Variants in PROSER3 observed in about 807,000 individuals in gnomAD.
The protein encoded by PROSER3 is proline and serine-rich protein 3.
A neutral mutation model predicts 50.2 loss-of-function variants in PROSER3; 33 were observed. That is an observed-to-expected ratio of 0.66 (90% CI 0.50 to 0.88). The LOEUF is 0.88. Ranked by LOEUF, PROSER3 falls within the 40% of genes least tolerant of loss-of-function variation. PROSER3 has a pLI of 0.00. For synonymous variants in PROSER3, 266 were observed against 259.3 expected (o/e 1.03, Z -0.25); for missense variants, 623 against 612.7 (o/e 1.02, Z -0.18).
chr19:35,765,838 AG>A (rs987195146), intron 7 of PROSER3, among the ~76,000 whole-genome samples: 1 of 152,144 alleles, frequency 6.6e-6, no homozygotes, highest in African/African-American at 2.4e-5. Context: ...CGTTATGCCC[AG>A]CTGGTTGTTG....
chr19:35,767,961 A>T, exon 9 of PROSER3: 2 of 1,609,400 alleles, frequency 1.2e-6, no homozygotes, highest in Non-Finnish European at 1.7e-6. Flanking sequence ...CCAGCCTTCC[A>T]GGTGGGGTCT....
intron 3 of PROSER3, among the ~76,000 whole-genome samples, chr19:35,761,734 C>T (rs1356390659): frequency 6.6e-6 from 1 of 152,044 alleles, no homozygotes; most frequent in Non-Finnish European, 1.5e-5. Context: ...TGGTGGCATG[C>T]ACCTGTGTCC....
intron 3 of PROSER3, among the ~76,000 whole-genome samples, chr19:35,761,048 A>C (rs868349015): frequency 4.6e-5 from 7 of 152,208 alleles, no homozygotes; most frequent in South Asian, 2.1e-4. Context: ...GACACAGGTT[A>C]CTTCTGTCTT....
Position 35,764,840 on chromosome 19 carries a change from C to G in PROSER3, c.544-14C>G, listed in dbSNP as rs200631261. The G allele has an allele frequency of 3.6e-3, 5,764 of 1,610,906 alleles. 13 individuals carry two copies. The highest frequency in any genetic ancestry group is 4.2e-3 in the Non-Finnish European group (4,910 of 1,178,542). The stretch of plus-strand genomic sequence containing the variant: ...TTTGGGTTGGGGCTGGCGTCTGACC[C>G]TGTCACCCTGCAGAACCTCCACACA... On this transcript the variant is annotated splice_polypyrimidine_tract_variant and intron_variant, in intron 5 of 10. Transcript: ENST00000396908.
In PROSER3 at chr19:35,767,708, C is replaced by G; in HGVS notation, c.958-96C>G. ...GGACACGCCTCCTCACTTCGAGGGC[C>G]CCCCTCCACCCAAGGCTGGATCTCC... On this transcript the variant is annotated intron_variant, in intron 8 of 10. Transcript: ENST00000396908. 3.4e-6 allele frequency: 5 copies of G among 1,449,564 alleles called. No individual in the cohort carries two copies. The East Asian group carries it at 7.0e-5, about 20-fold the overall frequency. The allele number at this position is 1,449,564 out of a possible 1,614,324, so 89.8% of individuals were successfully genotyped here.
chr19:35,770,706 C>T (rs1971299717), downstream of PROSER3: 1 of 151,546 alleles, frequency 6.6e-6, no homozygotes, highest in African/African-American at 2.4e-5. Flanking sequence ...GGTGAAATGT[C>T]TCTACTAAAA....
At chr19:35,764,631 G>A (rs1971075171) in intron 5 of PROSER3, among the ~76,000 whole-genome samples, 1 of 151,454 alleles carries the variant, frequency 6.6e-6, no homozygotes, top group Non-Finnish European at 1.5e-5. Flanking sequence ...ACTCCAGCCT[G>A]GGCAACAAGT....
exon 11 of PROSER3, chr19:35,768,438 C>G (rs1971246560): frequency 1.3e-6 from 2 of 1,597,770 alleles, no homozygotes; most frequent in African/African-American, 2.7e-5. Context: ...CCTGTTGGAC[C>G]AGGCTGAAGA....
At chr19:35,765,669 A>C (rs1305033815) in intron 7 of PROSER3, among the ~76,000 whole-genome samples, 1 of 146,988 alleles carries the variant, frequency 6.8e-6, no homozygotes, top group African/African-American at 2.5e-5. Flanking sequence ...CTGGGACTAC[A>C]GGCATGCACC....
At chr19:35,768,439 A>C (rs763882122) in exon 11 of PROSER3, 15 of 1,597,852 alleles carry the variant, frequency 9.4e-6, no homozygotes, top group Non-Finnish European at 1.3e-5. Context: ...CTGTTGGACC[A>C]GGCTGAAGAC....
At chr19:35,760,468 G>GTGTTT (rs946873231) in intron 3 of PROSER3, among the ~76,000 whole-genome samples, 5 of 152,186 alleles carry the variant, frequency 3.3e-5, no homozygotes, top group East Asian at 3.9e-4. Context: ...TCTAAATTGG[G>GTGTTT]TGTTTTGTTT....
exon 3 of PROSER3, chr19:35,759,932 A>G (rs1970901521): frequency 1.9e-6 from 3 of 1,606,924 alleles, no homozygotes; most frequent in Middle Eastern, 1.7e-4. Flanking sequence ...CCACTGAGGG[A>G]CAGATGTGGG....
Position 35,761,719 on chromosome 19 carries a change from G to A in PROSER3, c.312-300G>A, listed in dbSNP as rs549300226. Among the ~76,000 whole-genome samples the A allele has an allele frequency of 1.1e-4, 17 of 152,134 alleles. No individual in the cohort carries two copies. In the East Asian group the frequency reaches 1.9e-3, roughly 17 times the overall value. Reference sequence around the variant, plus strand: ...ATAAATAAAAATACAAAAAGTAGCCGAGTGTGGTGGCATGCACCTGTGTCC... The same window carrying A: ...ATAAATAAAAATACAAAAAGTAGCCAAGTGTGGTGGCATGCACCTGTGTCC... On this transcript the variant is annotated intron_variant, in intron 3 of 10. Coordinates refer to ENST00000396908, the Ensembl canonical transcript of PROSER3.
chr19:35,768,789 G>T, exon 11 of PROSER3: 1 of 386,818 alleles, frequency 2.6e-6, no homozygotes, highest in Non-Finnish European at 4.5e-6. Flanking sequence ...AAGACTTCTG[G>T]CAAGACTGGG....
intron 1 of PROSER3, 137 bp from the exon 2 acceptor site, chr19:35,759,237 A>G: frequency 2.8e-6 from 2 of 710,126 alleles, no homozygotes; most frequent in Non-Finnish European, 4.7e-6. Flanking sequence ...TGAATGTGCA[A>G]CGGTGCTTCA....
intron 8 of PROSER3, chr19:35,767,078 C>A (rs1702127717): frequency 2.4e-6 from 3 of 1,241,890 alleles, no homozygotes; most frequent in African/African-American, 3.1e-5. Flanking sequence ...ACAGACCTCT[C>A]CTGCTCCAGT....
chr19:35,768,143 TCC>T lies in PROSER3; in HGVS notation c.1220-9_1220-8del. The T allele has an allele frequency of 6.2e-7, 1 of 1,611,620 alleles. No individual in the cohort carries two copies. Among genetic ancestry groups the T allele is most frequent in the Non-Finnish European group, 8.5e-7 (1 of 1,178,730 alleles). ...CGGCCCCTTGGAGCTCATTCTTTTCTCCCCGGCCCAGACTCCGACGGCAGCGA... is the reference window on the plus strand; with the variant it reads ...CGGCCCCTTGGAGCTCATTCTTTTCTCCGGCCCAGACTCCGACGGCAGCGA... On this transcript the variant is annotated splice_polypyrimidine_tract_variant and intron_variant, in intron 9 of 10. Transcript: ENST00000396908.
At chr19:35,762,543 T>C in intron 5 of PROSER3, 187 bp downstream of exon 5, 2 of 343,300 alleles carry the variant, frequency 5.8e-6, no homozygotes, top group South Asian at 6.1e-5. Context: ...ATTCTGCCTC[T>C]ACTAAAAAAA....
intron 3 of PROSER3, among the ~76,000 whole-genome samples, 190 bp downstream of exon 3, chr19:35,760,181 T>C (rs1174919627): frequency 6.6e-6 from 1 of 152,212 alleles, no homozygotes; most frequent in Non-Finnish European, 1.5e-5. Flanking sequence ...TAACTCTCTG[T>C]ATGATCTTGG....
Sources: gnomAD v4.1 joint callset for allele counts (sites outside exome capture counted in the v4.1 genomes callset) on GRCh38, gnomAD v4.1.1 for gene constraint, MANE v1.5 for transcripts, NCBI Gene and HGNC (gene_info 2026-07-23, HGNC 2026-07-21) for gene names.